Variants in PLXDC2 observed in about 807,000 individuals in gnomAD.
PLXDC2 encodes plexin domain-containing protein 2.
A neutral mutation model predicts 68.9 loss-of-function variants in PLXDC2; 40 were observed. The ratio of observed to expected loss-of-function variants is 0.58; its 90% CI spans 0.45 to 0.76. The LOEUF (loss-of-function observed/expected upper bound fraction) is 0.76, where lower values mean the gene tolerates loss of function less well. PLXDC2 is among the 30% of genes least tolerant of loss of function. The probability of loss-of-function intolerance (pLI) is 0.00; values close to 1 mark genes in which losing one functional copy is unlikely to be tolerated. For missense variants in PLXDC2, 644 were observed against 661.9 expected (o/e 0.97, Z 0.30); for synonymous variants, 243 against 234.2 (o/e 1.04, Z -0.34).
chr10:19,844,524 T>A (rs1010669182), intron 1 of PLXDC2, among the ~76,000 whole-genome samples: 9 of 152,176 alleles, frequency 5.9e-5, no homozygotes, highest in Non-Finnish European at 1.2e-4. Context: ...TCTAATGCGA[T>A]GTTGAGGTCC....
rs1836134035 is a variant in PLXDC2, at chr10:20,285,060, C to T, written c.*5241C>T. The T allele has an allele frequency of 6.6e-6, 1 of 152,054 alleles. No homozygotes were observed. The highest frequency in any genetic ancestry group is 1.9e-4 in the East Asian group (1 of 5,186). The allele number at this position is 152,054 out of a possible 1,614,324, so 9.4% of individuals were successfully genotyped here. A position where few individuals can be genotyped will look rare whatever the true frequency, so the allele number is the denominator to read the frequency against. On this transcript the variant is annotated 3_prime_UTR_variant, in exon 14 of 14. Coordinates refer to ENST00000377252, the MANE Select transcript of PLXDC2 (RefSeq NM_032812.9). ...TTTCTGCCTTTGTTTTATTTCTTCC[C>T]AAATATATTTGAAAATGAATGATCT...
chr10:19,849,609 G>A (rs186912494), intron 1 of PLXDC2, among the ~76,000 whole-genome samples: 6 of 152,102 alleles, frequency 3.9e-5, no homozygotes, highest in East Asian at 1.9e-4. Flanking sequence ...TGCCACTGCC[G>A]TGTGAAGAAG....
intron 1 of PLXDC2, among the ~76,000 whole-genome samples, chr10:19,964,680 G>A (rs74724661): frequency 0.018 from 2,681 of 152,092 alleles, 29 homozygotes; most frequent in Non-Finnish European, 0.024. Context: ...ATTTGTTTTC[G>A]TGTCTCTCTG....
At position 20,245,420 on chromosome 10, in the gene PLXDC2, T is replaced by C; in HGVS notation, c.1388T>C (p.Leu463Pro). ...HAGLIIGILI[L>P]VLIVATAILV... is the part of the protein sequence containing the mutation. ...GGCCTCATCATTGGAATCCTCATCC[T>C]GGTCCTCATTGTAGCCACAGCCATT... Residue 463 changes from leucine to proline, a missense_variant, in exon 13 of 14, where the codon CTG becomes CCG. Physicochemically the swap from Leu to Pro is moderately conservative, Grantham distance 98. Transcript: ENST00000377252. 4.3e-6 allele frequency: 7 copies of C among 1,613,974 alleles called. No homozygotes were observed. The highest frequency in any genetic ancestry group is 5.1e-6 in the Non-Finnish European group (6 of 1,179,972).
intron 3 of PLXDC2, among the ~76,000 whole-genome samples, chr10:20,065,339 T>C (rs1293553789): frequency 2.0e-5 from 3 of 152,148 alleles, no homozygotes; most frequent in Non-Finnish European, 4.4e-5. Context: ...GCCCTAGAAC[T>C]CATGTTCACC....
chr10:20,273,246 G>A (rs1320209933), intron 13 of PLXDC2, among the ~76,000 whole-genome samples: 2 of 151,888 alleles, frequency 1.3e-5, no homozygotes, highest in Admixed American at 6.5e-5. Context: ...GTTTTTTATG[G>A]CAATATTTTA....
At chr10:19,838,128 A>T (rs535689473) in intron 1 of PLXDC2, among the ~76,000 whole-genome samples, 14 of 152,026 alleles carry the variant, frequency 9.2e-5, no homozygotes, top group Admixed American at 3.9e-4. Flanking sequence ...GACTCCCAAT[A>T]TTTTTAAGTT....
chr10:20,219,236 A>G (rs1437745040), intron 12 of PLXDC2, 134 bp downstream of exon 12: 3 of 936,112 alleles, frequency 3.2e-6, no homozygotes, highest in South Asian at 3.7e-5. Context: ...GGGATTTAAC[A>G]TGGGAAGGAG....
intron 1 of PLXDC2, among the ~76,000 whole-genome samples, chr10:19,841,034 G>A (rs1458636735): frequency 6.6e-6 from 1 of 152,108 alleles, no homozygotes; most frequent in African/African-American, 2.4e-5. Context: ...TCTAGAATAG[G>A]CATTGCTCTG....
chr10:19,951,838 C>A (rs1032089328), intron 1 of PLXDC2, among the ~76,000 whole-genome samples: 3 of 152,122 alleles, frequency 2.0e-5, no homozygotes, highest in African/African-American at 4.8e-5. Flanking sequence ...AAATTATGTC[C>A]TTTGCAGCAA....
In PLXDC2 at chr10:20,161,452, TC is replaced by T. The variant is rs200109484; in HGVS notation, c.784-3015del. Reference sequence around the variant, plus strand: ...AAGCAGTTTTTCAAGTCTCTCTCTCTCTTTTTTTTTTTTTGCTTCAAGCTTC... The same window carrying T: ...AAGCAGTTTTTCAAGTCTCTCTCTCTTTTTTTTTTTTTTGCTTCAAGCTTC... On this transcript the variant is annotated intron_variant, in intron 6 of 13. Coordinates refer to ENST00000377252, the MANE Select transcript of PLXDC2 (RefSeq NM_032812.9). Among the ~76,000 whole-genome samples the T allele has an allele frequency of 7.4e-3, 994 of 133,502 alleles. 18 individuals are homozygous for T. Among genetic ancestry groups the T allele is most frequent in the African/African-American group, 0.027 (961 of 35,624 alleles). 87.6% of individuals were successfully genotyped at this position (133,502 alleles called of 152,430 possible).
chr10:20,191,255 A>G (rs1834760451), intron 9 of PLXDC2, among the ~76,000 whole-genome samples: 1 of 151,824 alleles, frequency 6.6e-6, no homozygotes. Flanking sequence ...CAATTGGCAG[A>G]TTCTGGATTA....
chr10:20,031,807 T>TATTC (rs1835505329), intron 2 of PLXDC2, among the ~76,000 whole-genome samples: 1 of 12,124 alleles, frequency 8.2e-5, no homozygotes, highest in African/African-American at 1.6e-4. Context: ...TTGTTTTTAT[T>TATTC]ATTTATTTAT....
chr10:19,892,265 T>C (rs766095586), intron 1 of PLXDC2, among the ~76,000 whole-genome samples: 6 of 152,186 alleles, frequency 3.9e-5, no homozygotes, highest in Non-Finnish European at 7.3e-5. Flanking sequence ...GCTATTATTA[T>C]CTCTGTGTTA....
chr10:19,941,936 T>C (rs1674742611), intron 1 of PLXDC2, among the ~76,000 whole-genome samples: 1 of 151,832 alleles, frequency 6.6e-6, no homozygotes, highest in South Asian at 2.1e-4. Context: ...ATCAAACCCG[T>C]TTTGTATTGT....
At chr10:20,250,156 T>C (rs1835655783) in intron 13 of PLXDC2, among the ~76,000 whole-genome samples, 1 of 151,368 alleles carries the variant, frequency 6.6e-6, no homozygotes, top group Non-Finnish European at 1.5e-5. Context: ...TAATCCCAGG[T>C]ACTCGGGAGG....
chr10:20,061,286 C>T (rs1220315008), intron 3 of PLXDC2, among the ~76,000 whole-genome samples: 4 of 152,156 alleles, frequency 2.6e-5, no homozygotes, highest in Non-Finnish European at 4.4e-5. Context: ...GTAAGAATTC[C>T]TCAGTCTTTG....
intron 4 of PLXDC2, among the ~76,000 whole-genome samples, chr10:20,068,691 G>C (rs1015721707): frequency 1.3e-5 from 2 of 149,878 alleles, no homozygotes; most frequent in Non-Finnish European, 3.0e-5. Context: ...ACAACCATAT[G>C]TGCATTAGCT....
chr10:20,023,409 G>C (rs1193547158), intron 2 of PLXDC2, among the ~76,000 whole-genome samples: 1 of 152,098 alleles, frequency 6.6e-6, no homozygotes, highest in Non-Finnish European at 1.5e-5. Context: ...TTTGAAACTT[G>C]ACCCTAAGGC....
Sources: allele counts gnomAD v4.1 joint callset (sites outside exome capture counted in the v4.1 genomes callset), GRCh38; gene constraint gnomAD v4.1.1; transcripts MANE v1.5; gene names NCBI Gene and HGNC (gene_info 2026-07-23, HGNC 2026-07-21).